The following CADM2 variants were observed in gnomAD, a reference collection of about 807,000 sequenced individuals.
CADM2 encodes immunoglobulin superfamily member 4D.
In CADM2, 12 loss-of-function variants were observed where a neutral mutation model predicts 49.8. That is an observed-to-expected ratio of 0.24 (90% confidence interval 0.15 to 0.39). The LOEUF is 0.39. CADM2 is among the 10% of genes least tolerant of loss of function. CADM2 has a pLI of 1.00. For missense variants in CADM2, 378 were observed against 492.3 expected (o/e 0.77, Z 2.20); for synonymous variants, 214 against 175.4 (o/e 1.22, Z -1.74).
chr3:86,007,525 GC>G (rs1308444125), intron 8 of CADM2, among the ~76,000 whole-genome samples: 1 of 152,130 alleles, frequency 6.6e-6, no homozygotes, highest in Non-Finnish European at 1.5e-5. Flanking sequence ...GGAGGAGCTT[GC>G]CAGGTTGTTC....
chr3:85,175,382 A>C (rs1210600223), intron 1 of CADM2, among the ~76,000 whole-genome samples: 1 of 152,224 alleles, frequency 6.6e-6, no homozygotes, highest in Non-Finnish European at 1.5e-5. Context: ...GGATGAATGG[A>C]TAAACAAAAT....
intron 2 of CADM2, among the ~76,000 whole-genome samples, chr3:85,727,576 C>T (rs758992615): frequency 2.0e-5 from 3 of 152,108 alleles, no homozygotes; most frequent in Non-Finnish European, 2.9e-5. Context: ...AATACATTCA[C>T]AGCAATTCAG....
intron 1 of CADM2, among the ~76,000 whole-genome samples, chr3:85,282,095 A>T (rs187951882): frequency 4.9e-4 from 74 of 152,114 alleles, no homozygotes; most frequent in African/African-American, 1.7e-3. Context: ...TACATAAAAC[A>T]TATATTAAAA....
chr3:85,652,140 T>G (rs1478045846), intron 1 of CADM2, among the ~76,000 whole-genome samples: 1 of 151,970 alleles, frequency 6.6e-6, no homozygotes, highest in Non-Finnish European at 1.5e-5. Context: ...TTTAATGACT[T>G]AAGATGTCAG....
chr3:85,405,910 T>C (rs986542168), intron 1 of CADM2, among the ~76,000 whole-genome samples: 2 of 151,120 alleles, frequency 1.3e-5, no homozygotes, highest in South Asian at 4.2e-4. Flanking sequence ...CGTGAGACCC[T>C]GTCACAAAAA....
intron 1 of CADM2, among the ~76,000 whole-genome samples, chr3:85,603,693 G>T (rs2063478999): frequency 6.6e-6 from 1 of 151,692 alleles, no homozygotes. Context: ...TAGAGATCTG[G>T]TGTCATTTCA....
At chr3:85,785,273 A>G (rs1475336413) in intron 2 of CADM2, among the ~76,000 whole-genome samples, 1 of 151,814 alleles carries the variant, frequency 6.6e-6, no homozygotes, top group East Asian at 1.9e-4. Flanking sequence ...AGATTCATTT[A>G]TTTCTGCTCC....
At chr3:85,488,280 C>T (rs1233545282) in intron 1 of CADM2, among the ~76,000 whole-genome samples, 1 of 152,086 alleles carries the variant, frequency 6.6e-6, no homozygotes, top group Non-Finnish European at 1.5e-5. Flanking sequence ...TGTTAAAGTG[C>T]TCCTTGTCCC....
intron 1 of CADM2, among the ~76,000 whole-genome samples, chr3:85,622,018 A>T (rs1283649909): frequency 1.3e-5 from 2 of 152,216 alleles, no homozygotes; most frequent in African/African-American, 4.8e-5. Context: ...TGGCAGATGA[A>T]AATGTGTATA....
chr3:85,253,199 A>C (rs1460526466), intron 1 of CADM2, among the ~76,000 whole-genome samples: 8 of 152,016 alleles, frequency 5.3e-5, no homozygotes, highest in Non-Finnish European at 1.2e-4. Context: ...ACATAACTGC[A>C]CTCTCCCCTA....
chr3:85,580,850 C>T (rs1181812904), intron 1 of CADM2, among the ~76,000 whole-genome samples: 2 of 152,038 alleles, frequency 1.3e-5, no homozygotes, highest in African/African-American at 4.8e-5. Context: ...TAAGTTAATA[C>T]ATGTAAAACA....
intron 1 of CADM2, among the ~76,000 whole-genome samples, chr3:85,317,024 G>C (rs1041958460): frequency 2.6e-5 from 4 of 152,076 alleles, no homozygotes; most frequent in Admixed American, 2.0e-4. Flanking sequence ...AGATGAAACT[G>C]AGATTTCTGA....
chr3:85,690,722 A>G (rs1182946649), intron 1 of CADM2, among the ~76,000 whole-genome samples: 2 of 152,186 alleles, frequency 1.3e-5, no homozygotes, highest in Non-Finnish European at 2.9e-5. Context: ...TTTCTGGACC[A>G]TTAAGTCATA....
At chr3:85,206,754 A>T (rs2041652735) in intron 1 of CADM2, among the ~76,000 whole-genome samples, 1 of 151,152 alleles carries the variant, frequency 6.6e-6, no homozygotes, top group African/African-American at 2.5e-5. Flanking sequence ...TCTACTTTAT[A>T]TCTACTTGGA....
intron 1 of CADM2, among the ~76,000 whole-genome samples, chr3:85,351,740 G>A (rs903196903): frequency 3.9e-5 from 6 of 152,036 alleles, no homozygotes; most frequent in Non-Finnish European, 8.8e-5. Flanking sequence ...TTAAAGCCTG[G>A]GCCTGTCTAT....
chr3:85,961,244 C>G (rs1398937907), intron 7 of CADM2, among the ~76,000 whole-genome samples: 2 of 151,380 alleles, frequency 1.3e-5, no homozygotes, highest in East Asian at 2.0e-4. Context: ...ACAAATTAGT[C>G]TCTGAATACA....
intron 1 of CADM2, among the ~76,000 whole-genome samples, chr3:85,597,259 T>G (rs2063271551): frequency 6.6e-6 from 1 of 152,036 alleles, no homozygotes; most frequent in Non-Finnish European, 1.5e-5. Context: ...CTCTCAAATC[T>G]ATATGGTACT....
chr3:85,076,988 T>C (rs915903616), intron 1 of CADM2, among the ~76,000 whole-genome samples: 6 of 152,008 alleles, frequency 3.9e-5, no homozygotes, highest in Non-Finnish European at 7.4e-5. Flanking sequence ...GTAATAACAA[T>C]AATAATAATA....
Position 85,134,264 on chromosome 3 carries a change from T to G in CADM2, c.61+174596T>G, listed in dbSNP as rs949074080. On this transcript the variant is annotated intron_variant, in intron 1 of 9. Coordinates refer to ENST00000383699, the MANE Select transcript of CADM2 (RefSeq NM_001167675.2). ...TCTCCCTCCACACCTCCCTGCAAGCTGAGGGAGCCGGCTCTGGCCTTGGCC... is the reference window on the plus strand; with the variant it reads ...TCTCCCTCCACACCTCCCTGCAAGCGGAGGGAGCCGGCTCTGGCCTTGGCC... Among the ~76,000 whole-genome samples the G allele has an allele frequency of 6.6e-5, 10 of 152,270 alleles. No individual in the cohort carries two copies. The East Asian group carries it at 1.8e-3, about 27-fold the overall frequency.
Sources: gnomAD v4.1 joint callset for allele counts (sites outside exome capture counted in the v4.1 genomes callset) on GRCh38, gnomAD v4.1.1 for gene constraint, MANE v1.5 for transcripts, NCBI Gene and HGNC (gene_info 2026-07-23, HGNC 2026-07-21) for gene names.